The following KALRN variants were observed in gnomAD, a reference collection of about 807,000 sequenced individuals.
KALRN encodes the protein kalirin.
In KALRN, 70 loss-of-function variants were observed where a neutral mutation model predicts 353.7. The observed-to-expected ratio is 0.20, with a 90% confidence interval of 0.16 to 0.24. The LOEUF is 0.24. KALRN is among the 10% of genes least tolerant of loss of function. The probability of loss-of-function intolerance (pLI) is 1.00; values close to 1 mark genes in which losing one functional copy is unlikely to be tolerated. For synonymous variants in KALRN, 1,391 were observed against 1,434.8 expected (o/e 0.97, Z 0.69); for missense variants, 2,791 against 3,756.7 (o/e 0.74, Z 6.72).
chr3:124,572,412 A>T (rs948338069), intron 34 of KALRN, among the ~76,000 whole-genome samples: 1 of 152,290 alleles, frequency 6.6e-6, no homozygotes, highest in Non-Finnish European at 1.5e-5. Flanking sequence ...AATGTATTGT[A>T]ATCTACTGTT....
chr3:124,642,856 G>T (rs1183331910), intron 37 of KALRN, among the ~76,000 whole-genome samples: 3 of 105,040 alleles, frequency 2.9e-5, no homozygotes, highest in Admixed American at 2.6e-4. Flanking sequence ...GTTTCTTGTT[G>T]CCGAGGCTGG....
intron 34 of KALRN, among the ~76,000 whole-genome samples, chr3:124,623,637 C>T (rs1445063856): frequency 1.3e-5 from 2 of 152,152 alleles, no homozygotes. Flanking sequence ...GCTTTATATT[C>T]TAACTGCGCT....
chr3:124,723,822 A>C lies in KALRN; in HGVS notation c.*4352A>C, dbSNP rs1335694401. ...AAAGCAACTGCTACCTTCCTTCTCA[A>C]GCTTTATGCTCTGGAAAAAAGGACA... On this transcript the variant is annotated 3_prime_UTR_variant, in exon 60 of 60. Transcript: ENST00000682506. The C allele has an allele frequency of 1.3e-5, 2 of 152,220 alleles. No individual in the cohort carries two copies. Among genetic ancestry groups the C allele is most frequent in the Admixed American group, 1.3e-4 (2 of 15,280 alleles). 9.4% of individuals were successfully genotyped at this position (152,220 alleles called of 1,614,324 possible). A position where few individuals can be genotyped will look rare whatever the true frequency, so the allele number is the denominator to read the frequency against.
intron 13 of KALRN, among the ~76,000 whole-genome samples, chr3:124,403,634 A>G (rs1360098545): frequency 6.6e-6 from 1 of 152,212 alleles, no homozygotes. Flanking sequence ...CCTAGAGAAG[A>G]TAAGCTGATT....
rs544705578 is a variant in KALRN, at chr3:124,562,953, C to T, written c.5046C>T (p.Ser1682=). 1.8e-5 allele frequency: 24 copies of T among 1,367,778 alleles called. No individual in the cohort carries two copies. Among genetic ancestry groups the T allele is most frequent in the African/African-American group, 3.0e-5 (2 of 67,762 alleles). The allele number at this position is 1,367,778 out of a possible 1,614,324, so 84.7% of individuals were successfully genotyped here. Residue 1682 remains serine (S), a synonymous_variant, in exon 34 of 60, where the codon AGC becomes AGT. Transcript: ENST00000682506. ...GQTVELLERP[S]ERPGWCLVRT... is the part of the protein sequence containing the mutation. ...CGGTAGAGCTGCTGGAGCGGCCCAG[C>T]GAGCGGCCTGGTTGGTGTCTGGTCC... is the stretch of plus-strand genomic sequence containing the variant.
intron 11 of KALRN, among the ~76,000 whole-genome samples, chr3:124,394,690 A>G (rs1454878429): frequency 6.6e-6 from 1 of 152,202 alleles, no homozygotes; most frequent in Non-Finnish European, 1.5e-5. Context: ...TTTAGTTCTT[A>G]TTGACCACCA....
Position 124,495,986 on chromosome 3 carries a change from T to TATATATATATATATATAC in KALRN, c.4833-308_4833-307insCATATATATATATATATA, listed in dbSNP as rs2063746973. 2.5e-4 allele frequency among the ~76,000 whole-genome samples: 13 copies of TATATATATATATATATAC among 52,796 alleles called. 1 individual carries two copies. Among genetic ancestry groups the TATATATATATATATATAC allele is most frequent in the Non-Finnish European group, 2.4e-4 (7 of 28,958 alleles). 34.6% of individuals were successfully genotyped at this position (52,796 alleles called of 152,430 possible). On this transcript the variant is annotated intron_variant, in intron 32 of 59. Coordinates refer to ENST00000682506, the MANE Select transcript of KALRN (RefSeq NM_001388419.1). ...GTATGTATATATATATATATATATA[T>TATATATATATATATATAC]ATATATATATATATATATATATATA... is the stretch of plus-strand genomic sequence containing the variant.
At chr3:124,445,000 T>A (rs962524626) in intron 19 of KALRN, among the ~76,000 whole-genome samples, 1 of 152,182 alleles carries the variant, frequency 6.6e-6, no homozygotes, top group Non-Finnish European at 1.5e-5. Context: ...TGTACCATCT[T>A]CGTAAAGCAT....
chr3:124,202,398 G>A (rs960836401), intron 1 of KALRN, among the ~76,000 whole-genome samples: 1 of 152,028 alleles, frequency 6.6e-6, no homozygotes, highest in Non-Finnish European at 1.5e-5. Flanking sequence ...CTATAGGTGC[G>A]TGCCACCATG....
rs796628603 is a variant in KALRN at position 124,642,806 on chromosome 3, G to GTTGTTTTTTTTTTTTTTTTTTTTT, written c.5664+5505_5664+5506insGTTTTTTTTTTTTTTTTTTTTTTT. On this transcript the variant is annotated intron_variant, in intron 37 of 59. Coordinates refer to ENST00000682506, the MANE Select transcript of KALRN (RefSeq NM_001388419.1). Reference sequence around the variant, plus strand: ...TCTGTGGAAGAGATTCCCAAGCCTCGTTTTTTTTTTTTTTTTTTTTGAGAC... The same window carrying GTTGTTTTTTTTTTTTTTTTTTTTT: ...TCTGTGGAAGAGATTCCCAAGCCTCGTTGTTTTTTTTTTTTTTTTTTTTTTTTTTTTTTTTTTTTTTTTTGAGAC... 5.6e-4 allele frequency among the ~76,000 whole-genome samples: 54 copies of GTTGTTTTTTTTTTTTTTTTTTTTT among 96,818 alleles called. 8 individuals carry two copies. In the East Asian group the frequency reaches 7.6e-3, roughly 14 times the overall value. 63.5% of individuals were successfully genotyped at this position (96,818 alleles called of 152,430 possible). A position where few individuals can be genotyped will look rare whatever the true frequency, so the allele number is the denominator to read the frequency against.
In KALRN at chr3:124,721,558, A is replaced by G. The variant is rs540380800; in HGVS notation, c.*2088A>G. ...AAAAAATTTTAGTAAACATGTTTTC[A>G]TTGTGTTTAAAAAATTTAAAACATA... is the stretch of plus-strand genomic sequence containing the variant. On this transcript the variant is annotated 3_prime_UTR_variant, in exon 60 of 60. Transcript: ENST00000682506. 49 of 152,344 alleles carry G rather than the reference A, an allele frequency of 3.2e-4. No homozygotes were observed. The highest frequency in any genetic ancestry group is 1.6e-3 in the Admixed American group (24 of 15,302). 9.4% of individuals were successfully genotyped at this position (152,344 alleles called of 1,614,324 possible). A position where few individuals can be genotyped will look rare whatever the true frequency, so the allele number is the denominator to read the frequency against.
chr3:124,430,288 AAAAAG>A (rs567854320), intron 15 of KALRN, among the ~76,000 whole-genome samples: 374 of 152,352 alleles, frequency 2.5e-3, no homozygotes, highest in African/African-American at 8.5e-3. Context: ...GACCTTATAA[AAAAAG>A]AAAAGGATAC....
chr3:124,167,924 A>T (rs934776411), intron 1 of KALRN, among the ~76,000 whole-genome samples: 1 of 152,214 alleles, frequency 6.6e-6, no homozygotes, highest in African/African-American at 2.4e-5. Flanking sequence ...CATCACAGGA[A>T]GTTCTACTGC....
intron 37 of KALRN, among the ~76,000 whole-genome samples, chr3:124,644,832 G>T (rs1282479197): frequency 6.6e-6 from 1 of 152,120 alleles, no homozygotes; most frequent in Non-Finnish European, 1.5e-5. Context: ...AATCCTTTGG[G>T]TATATACCCA....
intron 2 of KALRN, among the ~76,000 whole-genome samples, chr3:124,230,967 T>C (rs1291166482): frequency 6.7e-6 from 1 of 150,132 alleles, no homozygotes; most frequent in Non-Finnish European, 1.5e-5. Context: ...TATAATTAAA[T>C]AATGCAGTTT....
chr3:124,155,846 G>A (rs953610569), intron 1 of KALRN, among the ~76,000 whole-genome samples: 1 of 152,176 alleles, frequency 6.6e-6, no homozygotes, highest in Non-Finnish European at 1.5e-5. Context: ...TCAGCTGAGT[G>A]CAGAATTAGA....
At chr3:124,572,220 G>T (rs1203863071) in intron 34 of KALRN, among the ~76,000 whole-genome samples, 2 of 151,626 alleles carry the variant, frequency 1.3e-5, no homozygotes, top group African/African-American at 2.4e-5. Context: ...GCTGCTGGGG[G>T]TGGAGGTGGG....
chr3:124,594,730 C>G (rs1030375545), intron 34 of KALRN, among the ~76,000 whole-genome samples: 1 of 152,200 alleles, frequency 6.6e-6, no homozygotes, highest in African/African-American at 2.4e-5. Context: ...TCCAGTCCCA[C>G]TTCCCACCTT....
chr3:124,206,905 GT>G (rs2076456576), intron 1 of KALRN, among the ~76,000 whole-genome samples: 1 of 152,048 alleles, frequency 6.6e-6, no homozygotes, highest in South Asian at 2.1e-4. Flanking sequence ...GATTGTTTTT[GT>G]CACTTGCCTA....
Sources: gnomAD v4.1 joint callset for allele counts (sites outside exome capture counted in the v4.1 genomes callset) on GRCh38, gnomAD v4.1.1 for gene constraint, MANE v1.5 for transcripts, NCBI Gene and HGNC (gene_info 2026-07-23, HGNC 2026-07-21) for gene names.